Variants in YME1L1 observed in about 807,000 individuals in gnomAD.
YME1L1 encodes the protein ATP-dependent zinc metalloprotease YME1L1.
A neutral mutation model predicts 90.4 loss-of-function variants in YME1L1; 39 were observed. The observed-to-expected ratio is 0.43, with a 90% CI of 0.33 to 0.56. The LOEUF (loss-of-function observed/expected upper bound fraction) is 0.56. YME1L1 is among the 20% of genes least tolerant of loss of function. The pLI is 0.03. For synonymous variants in YME1L1, 284 were observed against 287.3 expected, an observed-to-expected ratio of 0.99 and a Z score of 0.12; for missense variants, 617 against 868.4, an observed-to-expected ratio of 0.71 and a Z score of 3.64.
intron 1 of YME1L1, among the ~76,000 whole-genome samples, chr10:27,150,996 G>A (rs1387531516): frequency 7.0e-6 from 1 of 142,172 alleles, no homozygotes; most frequent in African/African-American, 2.6e-5. Context: ...TGCAATCTCG[G>A]CTCACTGCAA....
chr10:27,153,478 CAA>C (rs1173081168), intron 1 of YME1L1, among the ~76,000 whole-genome samples: 1 of 151,974 alleles, frequency 6.6e-6, no homozygotes, highest in Non-Finnish European at 1.5e-5. Context: ...ATGTTACCAT[CAA>C]AAAAAGAGAC....
At chr10:27,137,741 T>C (rs1014580251) in intron 4 of YME1L1, among the ~76,000 whole-genome samples, 4 of 152,182 alleles carry the variant, frequency 2.6e-5, no homozygotes, top group South Asian at 2.1e-4. Flanking sequence ...TGACTATTTT[T>C]ATTTTTATTT....
intron 7 of YME1L1, 37 bp from the exon 8 acceptor site, chr10:27,131,978 T>C: frequency 1.3e-6 from 2 of 1,524,450 alleles, no homozygotes; most frequent in Non-Finnish European, 1.8e-6. Flanking sequence ...ATTTGATAGA[T>C]TAATAACATT....
chr10:27,120,398 C>T, intron 13 of YME1L1, 37 bp downstream of exon 13: 1 of 1,504,048 alleles, frequency 6.6e-7, no homozygotes, highest in Non-Finnish European at 9.2e-7. Context: ...TATATTACCA[C>T]TTTACAGAAA....
At chr10:27,130,374 C>A (rs2056963953) in intron 8 of YME1L1, among the ~76,000 whole-genome samples, 1 of 152,154 alleles carries the variant, frequency 6.6e-6, no homozygotes, top group South Asian at 2.1e-4. Context: ...GTGATCTCAT[C>A]CAAACATGTG....
chr10:27,122,039 G>A (rs1160404682), intron 11 of YME1L1, among the ~76,000 whole-genome samples: 1 of 151,972 alleles, frequency 6.6e-6, no homozygotes, highest in Non-Finnish European at 1.5e-5. Context: ...CCCGGTGACT[G>A]TTTTTATTTT....
At chr10:27,125,641 A>ATTTT (rs199852948) in intron 9 of YME1L1, among the ~76,000 whole-genome samples, 18,340 of 133,882 alleles carry the variant, frequency 0.14, 1,542 homozygotes, top group East Asian at 0.43. Context: ...TAAATGTCCT[A>ATTTT]TTTTTTTTTT....
chr10:27,143,438 G>A (rs1227846331), intron 3 of YME1L1, among the ~76,000 whole-genome samples: 1 of 151,862 alleles, frequency 6.6e-6, no homozygotes, highest in South Asian at 2.1e-4. Context: ...GGTGCCTCAC[G>A]CCTGTAATCC....
intron 6 of YME1L1, among the ~76,000 whole-genome samples, chr10:27,134,347 G>T (rs2057005144): frequency 2.0e-5 from 3 of 152,202 alleles, no homozygotes; most frequent in Admixed American, 6.5e-5. Flanking sequence ...ATTTTAAGAG[G>T]TCAAGGCAGG....
intron 18 of YME1L1, 122 bp downstream of exon 18, chr10:27,114,399 T>C (rs2056790615): frequency 1.4e-6 from 1 of 717,314 alleles, no homozygotes; most frequent in Non-Finnish European, 2.2e-6. Flanking sequence ...GTGACTATTA[T>C]CTTTATTTTA....
chr10:27,126,814 T>A, intron 8 of YME1L1, 28 bp from the exon 9 acceptor site: 1 of 1,339,928 alleles, frequency 7.5e-7, no homozygotes, highest in Admixed American at 2.1e-5. Flanking sequence ...TCCAAATAAC[T>A]TTAGATAATG....
chr10:27,147,494 G>T, intron 2 of YME1L1: 1 of 1,613,792 alleles, frequency 6.2e-7, no homozygotes, highest in Non-Finnish European at 8.5e-7. Flanking sequence ...AACCCGCAGT[G>T]TACAGGGATT....
At chr10:27,126,834 G>C (rs771196512) in intron 8 of YME1L1, 48 bp from the exon 9 acceptor site, 1 of 1,097,362 alleles carries the variant, frequency 9.1e-7, no homozygotes. Context: ...GGACACGTTT[G>C]GTTAGATTAT....
At position 27,152,181 on chromosome 10, in the gene YME1L1, C is replaced by A. The variant is rs1234762931; in HGVS notation, c.33+1997G>T. Among the ~76,000 whole-genome samples the A allele has an allele frequency of 2.6e-5, 4 of 152,088 alleles. No homozygotes were observed. In the East Asian group the frequency reaches 7.7e-4, roughly 29 times the overall value. ...TTTGAAACTTTAAAAATAATCAAAT[C>A]ATTTCAAGATACATATTTTCTACCT... On this transcript the variant is annotated intron_variant, in intron 1 of 18. Coordinates refer to ENST00000376016, the MANE Select transcript of YME1L1 (RefSeq NM_014263.4).
chr10:27,148,799 T>C lies in YME1L1; in HGVS notation c.168+107A>G, dbSNP rs2057174160. 3 of 1,451,386 alleles carry C rather than the reference T, an allele frequency of 2.1e-6. No individual in the cohort carries two copies. The South Asian group carries it at 3.7e-5, about 18-fold the overall frequency. 89.9% of individuals were successfully genotyped at this position (1,451,386 alleles called of 1,614,324 possible). On this transcript the variant is annotated intron_variant, in intron 2 of 18. Coordinates refer to ENST00000376016, the MANE Select transcript of YME1L1 (RefSeq NM_014263.4). ...GTTTCTCAGGAGTCAAAAATTATAC[T>C]CAAATTTTTGACTACGGGGGAGGGA...
intron 3 of YME1L1, among the ~76,000 whole-genome samples, chr10:27,145,102 C>T (rs1395587409): frequency 2.6e-5 from 4 of 152,110 alleles, no homozygotes; most frequent in Non-Finnish European, 4.4e-5. Flanking sequence ...GATTGTGCCA[C>T]TGCACTCCAG....
At chr10:27,120,969 C>T (rs1391148121) in intron 12 of YME1L1, among the ~76,000 whole-genome samples, 1 of 150,566 alleles carries the variant, frequency 6.6e-6, no homozygotes, top group Non-Finnish European at 1.5e-5. Context: ...TTCATAGTAA[C>T]TTTAAACCTA....
chr10:27,150,620 G>C (rs2057201644), intron 1 of YME1L1, among the ~76,000 whole-genome samples: 1 of 152,182 alleles, frequency 6.6e-6, no homozygotes, highest in African/African-American at 2.4e-5. Context: ...CTCATTATGT[G>C]CTAATTATAA....
intron 1 of YME1L1, among the ~76,000 whole-genome samples, chr10:27,153,560 AT>A (rs1347646382): frequency 6.6e-6 from 1 of 152,118 alleles, no homozygotes; most frequent in Non-Finnish European, 1.5e-5. Flanking sequence ...CCTTGAAATC[AT>A]TTTTCTCTTC....
Sources: allele counts gnomAD v4.1 joint callset (sites outside exome capture counted in the v4.1 genomes callset), GRCh38; gene constraint gnomAD v4.1.1; transcripts MANE v1.5; gene names NCBI Gene and HGNC (gene_info 2026-07-23, HGNC 2026-07-21).